The following TCF3 variants were observed in gnomAD, a reference collection of about 807,000 sequenced individuals.
The protein encoded by TCF3 is transcription factor E2-alpha.
A neutral mutation model predicts 72.3 loss-of-function variants in TCF3; 54 were observed. The ratio of observed to expected loss-of-function variants is 0.75; its 90% CI spans 0.60 to 0.94. TCF3 has a LOEUF of 0.94. Among genes scored for constraint, TCF3 ranks in the 40% least tolerant of loss-of-function variants. TCF3 has a pLI of 0.00. For synonymous variants in TCF3, 525 were observed against 412.6 expected (o/e 1.27, Z -3.30); for missense variants, 1,078 against 934.4 (o/e 1.15, Z -2.00).
At position 1,615,218 on chromosome 19, in the gene TCF3, G is replaced by T. The variant is rs1306694473; in HGVS notation, c.1822+67C>A. The T allele has an allele frequency of 6.6e-7, 1 of 1,507,990 alleles. No individual in the cohort carries two copies. Among genetic ancestry groups the T allele is most frequent in the Non-Finnish European group, 8.8e-7 (1 of 1,130,826 alleles). The allele number at this position is 1,507,990 out of a possible 1,614,324, so 93.4% of individuals were successfully genotyped here. Reference sequence around the variant, plus strand: ...CTCCAGGAAGGCGGGCGGGGAAGGAGAACGAGGGCAGGAACACGAGGGAGG... The same window carrying T: ...CTCCAGGAAGGCGGGCGGGGAAGGATAACGAGGGCAGGAACACGAGGGAGG... On this transcript the variant is annotated intron_variant, in intron 18 of 18. Transcript: ENST00000262965. The surrounding 1 kb of genome is among the most constrained non-coding windows in gnomAD (Gnocchi z 7.3).
intron 2 of TCF3, 71 bp from the exon 3 acceptor site, chr19:1,646,498 C>T (rs1348546553): frequency 1.4e-6 from 2 of 1,426,874 alleles, no homozygotes; most frequent in East Asian, 5.0e-5. Flanking sequence ...GGGTTCAAAC[C>T]CAAGCTGGGA....
intron 3 of TCF3, among the ~76,000 whole-genome samples, chr19:1,644,107 C>T (rs1041574814): frequency 3.3e-5 from 5 of 152,234 alleles, no homozygotes; most frequent in East Asian, 1.9e-4. Context: ...CCTGGGTCCT[C>T]GGAGAGGAGA....
chr19:1,622,112 G>A lies in TCF3; in HGVS notation c.764C>T (p.Pro255Leu), dbSNP rs573267242. 34 of 1,600,796 alleles carry A rather than the reference G, an allele frequency of 2.1e-5. No individual in the cohort carries two copies. In the African/African-American group the frequency reaches 2.3e-4, roughly 11 times the overall value. The change falls in exon 10 of 19, where the codon CCG (proline) becomes CTG (leucine). Residue 255 changes from proline to leucine, a missense_variant. By Grantham distance (98) the Pro-to-Leu change is moderately conservative. Transcript: ENST00000262965. The part of the protein sequence containing the change: ...SPLPLPPGSG[P>L]VGSSGSSSTF... The stretch of plus-strand genomic sequence containing the variant: ...GCTGCTGCTTCCACTGCTGCCCACC[G>A]GGCCGCTACCGGGCGGGAGGGGCAG...
In TCF3 at chr19:1,611,449, G is replaced by A. The variant is rs1357891239; in HGVS notation, c.*258C>T. 1.9e-5 allele frequency: 9 copies of A among 476,440 alleles called. No individual in the cohort carries two copies. Among genetic ancestry groups the A allele is most frequent in the African/African-American group, 2.0e-5 (1 of 50,526 alleles). The allele number at this position is 476,440 out of a possible 1,614,324, so 29.5% of individuals were successfully genotyped here. A position where few individuals can be genotyped will look rare whatever the true frequency, so the allele number is the denominator to read the frequency against. ...TTCAGGATCCATGGGACAGGTCACAGAGTGACACGGTGGCTGAGATTCGGG... is the reference window on the plus strand; with the variant it reads ...TTCAGGATCCATGGGACAGGTCACAAAGTGACACGGTGGCTGAGATTCGGG... On this transcript the variant is annotated 3_prime_UTR_variant, in exon 19 of 19. Coordinates refer to ENST00000262965, the MANE Select transcript of TCF3 (RefSeq NM_003200.5).
rs1052894 is a variant in TCF3, at chr19:1,611,282, T to C, written c.*425A>G. On this transcript the variant is annotated 3_prime_UTR_variant, in exon 19 of 19. Transcript: ENST00000262965. ...CACAGCATCCCCCTTGAGTGATATG[T>C]TTCCATTTCTCCGCTTTTTATAGTT... 2 of 342,492 alleles carry C rather than the reference T, an allele frequency of 5.8e-6. No individual in the cohort carries two copies. The highest frequency in any genetic ancestry group is 1.0e-5 in the Non-Finnish European group (2 of 190,634). The allele number at this position is 342,492 out of a possible 1,614,324, so 21.2% of individuals were successfully genotyped here. A position where few individuals can be genotyped will look rare whatever the true frequency, so the allele number is the denominator to read the frequency against.
rs766158611 is a variant in TCF3 at position 1,615,686 on chromosome 19, C to T, written c.1586G>A (p.Ser529Asn). 6.2e-7 allele frequency: 1 copy of T among 1,613,392 alleles called. No homozygotes were observed. The highest frequency in any genetic ancestry group is 8.5e-7 in the Non-Finnish European group (1 of 1,179,608). ...KELKAPRART[S>N]PDEDEDDLLP... is the part of the protein sequence containing the mutation. Reference sequence around the variant, plus strand: ...GGAGTGCCGAGGGGTGGGTTGGCACCTGGTCCGGGCCCGGGGGGCCTTCAG... The same window carrying T: ...GGAGTGCCGAGGGGTGGGTTGGCACTTGGTCCGGGCCCGGGGGGCCTTCAG... The change falls in exon 17 of 19, where the codon AGC becomes AAC. Residue 529 changes from serine to asparagine, a missense_variant and splice_region_variant. Coordinates refer to ENST00000262965, the MANE Select transcript of TCF3 (RefSeq NM_003200.5). The surrounding 1 kb of genome is among the most constrained non-coding windows in gnomAD (Gnocchi z 7.3).
In TCF3 at chr19:1,611,147, T is replaced by A; in HGVS notation, c.*560A>T. The A allele has an allele frequency of 4.2e-6, 1 of 236,986 alleles. No individual in the cohort carries two copies. Among genetic ancestry groups the A allele is most frequent in the Non-Finnish European group, 8.3e-6 (1 of 121,058 alleles). 14.7% of individuals were successfully genotyped at this position (236,986 alleles called of 1,614,324 possible). On this transcript the variant is annotated 3_prime_UTR_variant, in exon 19 of 19. Coordinates refer to ENST00000262965, the MANE Select transcript of TCF3 (RefSeq NM_003200.5). ...AAGGCAGCATCCTTGCTAATTTTCA[T>A]CTACATTAAGAAAAAAAAAATCTTG...
At chr19:1,634,989 T>C (rs899241899) in intron 3 of TCF3, among the ~76,000 whole-genome samples, 1 of 152,198 alleles carries the variant, frequency 6.6e-6, no homozygotes, top group South Asian at 2.1e-4. Context: ...AAAAAGACTG[T>C]CCAAGTGCCT....
chr19:1,650,488 G>T lies in TCF3; in HGVS notation c.-39-201C>A, dbSNP rs908981129. 7.7e-6 allele frequency: 4 copies of T among 519,500 alleles called. No individual in the cohort carries two copies. The East Asian group carries it at 1.2e-4, about 16-fold the overall frequency. 32.2% of individuals were successfully genotyped at this position (519,500 alleles called of 1,614,324 possible). A position where few individuals can be genotyped will look rare whatever the true frequency, so the allele number is the denominator to read the frequency against. ...CTGGAATTCCAGAGTCTAGGTCCCT[G>T]CAGAGTCCTCCCCAGAGACCACAGG... On this transcript the variant is annotated intron_variant, in intron 1 of 18. Transcript: ENST00000262965.
At chr19:1,641,898 C>T (rs1470597472) in intron 3 of TCF3, among the ~76,000 whole-genome samples, 1 of 151,986 alleles carries the variant, frequency 6.6e-6, no homozygotes. Flanking sequence ...CAGCCCTCTA[C>T]AAAATACATA....
At chr19:1,623,704 G>A (rs1348129837) in intron 8 of TCF3, among the ~76,000 whole-genome samples, 1 of 152,110 alleles carries the variant, frequency 6.6e-6, no homozygotes, top group Non-Finnish European at 1.5e-5. Flanking sequence ...CTTTCTAAAG[G>A]GGCCTCAGCC....
At chr19:1,630,666 G>C (rs1229293386) in intron 5 of TCF3, among the ~76,000 whole-genome samples, 1 of 152,200 alleles carries the variant, frequency 6.6e-6, no homozygotes, top group Non-Finnish European at 1.5e-5. Context: ...CAAACCGTCG[G>C]GTTCCAGAGA....
intron 3 of TCF3, among the ~76,000 whole-genome samples, chr19:1,645,339 G>A (rs1000540403): frequency 6.6e-6 from 1 of 152,042 alleles, no homozygotes; most frequent in Non-Finnish European, 1.5e-5. Flanking sequence ...AGCATCGGGG[G>A]CACCCGCCCC....
chr19:1,644,313 T>TG (rs2065756317), intron 3 of TCF3, among the ~76,000 whole-genome samples: 1 of 151,910 alleles, frequency 6.6e-6, no homozygotes, highest in Non-Finnish European at 1.5e-5. Context: ...ATGAGGAGGG[T>TG]GCCACCAACT....
chr19:1,634,743 T>C (rs945042884), intron 3 of TCF3, among the ~76,000 whole-genome samples: 2 of 152,196 alleles, frequency 1.3e-5, no homozygotes, highest in African/African-American at 4.8e-5. Flanking sequence ...AGGACTGAGA[T>C]TGGTCTGCAG....
intron 2 of TCF3, among the ~76,000 whole-genome samples, chr19:1,649,925 C>T (rs2066742991): frequency 1.3e-5 from 2 of 152,228 alleles, no homozygotes; most frequent in African/African-American, 2.4e-5. Context: ...CCTGAGGACT[C>T]AGTTTCCCCA....
Position 1,646,364 on chromosome 19 carries a change from C to T in TCF3, c.136G>A (p.Gly46Arg), listed in dbSNP as rs143529809. 8.4e-5 allele frequency: 131 copies of T among 1,550,422 alleles called. No individual in the cohort carries two copies. The African/African-American group carries it at 1.1e-3, about 13-fold the overall frequency. The change falls in exon 3 of 19, where the codon GGA becomes AGA. Residue 46 changes from glycine to arginine, a missense_variant. Coordinates refer to ENST00000262965, the MANE Select transcript of TCF3 (RefSeq NM_003200.5). ...GAAGGCGGGGTCCTACCTGAACCTC[C>T]GAACTGCGCCCCGGCCAGGGAGGCG... The part of the protein sequence containing the change: ...RPASLAGAQF[G>R]GSGLEDRPSS...
rs1355846789 is a variant in TCF3 at position 1,632,268 on chromosome 19, C to T, written c.219+64G>A. The T allele has an allele frequency of 2.1e-5, 32 of 1,549,662 alleles. No individual in the cohort carries two copies. In the Middle Eastern group the frequency reaches 8.4e-4, roughly 41 times the overall value. ...CCTTCTCTCAGCCTCAGTTTCCCCA[C>T]ACCCCTCGCCCCCAACTCTGGGGAC... On this transcript the variant is annotated intron_variant, in intron 4 of 18. Transcript: ENST00000262965.
Position 1,622,236 on chromosome 19 carries a change from G to A in TCF3, c.653-13C>T, listed in dbSNP as rs1178389617. The A allele has an allele frequency of 3.3e-6, 5 of 1,534,078 alleles. No individual in the cohort carries two copies. The highest frequency in any genetic ancestry group is 2.5e-5 in the South Asian group (2 of 80,906). On this transcript the variant is annotated splice_polypyrimidine_tract_variant and intron_variant, in intron 9 of 18. Coordinates refer to ENST00000262965, the MANE Select transcript of TCF3 (RefSeq NM_003200.5). ...TGCAGGCTGCCATCTGTGGAGGGGA[G>A]CTGGTAAGGTGGGGGCCGAGTGGGG...
Sources: gnomAD v4.1 joint callset for allele counts (sites outside exome capture counted in the v4.1 genomes callset) on GRCh38, gnomAD v4.1.1 for gene constraint, Gnocchi (gnomAD v3.1) non-coding constraint, MANE v1.5 for transcripts, NCBI Gene and HGNC (gene_info 2026-07-23, HGNC 2026-07-21) for gene names.